The following PLXDC2 variants were observed in gnomAD, a reference collection of about 807,000 sequenced individuals.
The protein encoded by PLXDC2 is plexin domain-containing protein 2.
In PLXDC2, 40 loss-of-function variants were observed where a neutral mutation model predicts 68.9. The ratio of observed to expected loss-of-function variants is 0.58; its 90% CI spans 0.45 to 0.76. PLXDC2 has a LOEUF of 0.76. Among genes scored for constraint, PLXDC2 ranks in the 30% least tolerant of loss-of-function variants. The pLI, the probability that PLXDC2 is intolerant of heterozygous loss-of-function variation, is 0.00. For missense variants in PLXDC2, 644 were observed against 661.9 expected, an observed-to-expected ratio of 0.97 and a Z score of 0.30; for synonymous variants, 243 against 234.2, an observed-to-expected ratio of 1.04 and a Z score of -0.34.
At chr10:20,203,070 T>A (rs1834942093) in intron 9 of PLXDC2, among the ~76,000 whole-genome samples, 1 of 152,132 alleles carries the variant, frequency 6.6e-6, no homozygotes. Flanking sequence ...TATTGTAGCT[T>A]CACCCAGTGT....
At chr10:20,155,902 C>T (rs1834210374) in intron 6 of PLXDC2, among the ~76,000 whole-genome samples, 1 of 152,044 alleles carries the variant, frequency 6.6e-6, no homozygotes, top group Admixed American at 6.6e-5. Flanking sequence ...CTTTTTAAGA[C>T]AGAGTCTCAT....
At chr10:20,090,596 T>C (rs1224687082) in intron 4 of PLXDC2, among the ~76,000 whole-genome samples, 1 of 152,192 alleles carries the variant, frequency 6.6e-6, no homozygotes, top group African/African-American at 2.4e-5. Context: ...GTACATTTAA[T>C]GCCTCCAGTA....
chr10:19,928,423 A>T (rs907041304), intron 1 of PLXDC2, among the ~76,000 whole-genome samples: 58 of 152,358 alleles, frequency 3.8e-4, no homozygotes, highest in Admixed American at 7.8e-4. Flanking sequence ...ACTAGGGTAA[A>T]TTGAGTGCCT....
At chr10:19,964,826 G>A (rs1365892018) in intron 1 of PLXDC2, among the ~76,000 whole-genome samples, 2 of 151,784 alleles carry the variant, frequency 1.3e-5, no homozygotes. Flanking sequence ...GCCTCCATAG[G>A]GGGCAACTCT....
intron 6 of PLXDC2, among the ~76,000 whole-genome samples, chr10:20,153,395 T>C (rs916366092): frequency 6.6e-6 from 1 of 152,202 alleles, no homozygotes; most frequent in Non-Finnish European, 1.5e-5. Flanking sequence ...GGAAAAGTGT[T>C]GTTGGGTTTA....
At chr10:20,242,052 G>C (rs1048004807) in intron 12 of PLXDC2, among the ~76,000 whole-genome samples, 22 of 152,030 alleles carry the variant, frequency 1.4e-4, no homozygotes, top group African/African-American at 5.3e-4. Flanking sequence ...AGGATTTGAA[G>C]AAACAGTCAA....
chr10:19,837,090 C>A (rs996923634), intron 1 of PLXDC2, among the ~76,000 whole-genome samples: 1 of 150,654 alleles, frequency 6.6e-6, no homozygotes, highest in African/African-American at 2.4e-5. Context: ...GTATTGCTTG[C>A]GAGGTGAATT....
rs74507155 is a variant in PLXDC2 at position 19,899,137 on chromosome 10, C to T, written c.112+81946C>T. Among the ~76,000 whole-genome samples, 2,944 of 152,248 alleles carry T rather than the reference C, an allele frequency of 0.019. 211 individuals carry two copies. The East Asian group carries it at 0.28, about 14-fold the overall frequency. On this transcript the variant is annotated intron_variant, in intron 1 of 13. Transcript: ENST00000377252. Reference sequence around the variant, plus strand: ...CTGTCTCCTGCTCCTCCTCTTCCACCCTGGCTCATGTGGTTTTCGTTTTCA... The same window carrying T: ...CTGTCTCCTGCTCCTCCTCTTCCACTCTGGCTCATGTGGTTTTCGTTTTCA...
intron 6 of PLXDC2, among the ~76,000 whole-genome samples, chr10:20,164,028 A>C (rs902618140): frequency 1.3e-5 from 2 of 152,204 alleles, no homozygotes; most frequent in African/African-American, 4.8e-5. Flanking sequence ...TTATATCTAT[A>C]AGACTGCTTA....
At chr10:19,951,956 G>A (rs952690176) in intron 1 of PLXDC2, among the ~76,000 whole-genome samples, 1 of 151,990 alleles carries the variant, frequency 6.6e-6, no homozygotes, top group African/African-American at 2.4e-5. Context: ...GGGTACTCAC[G>A]GACATAAAGA....
At position 20,058,037 on chromosome 10, in the gene PLXDC2, G is replaced by T. The variant is rs192210578; in HGVS notation, c.472-10133G>T. On this transcript the variant is annotated intron_variant, in intron 3 of 13. Transcript: ENST00000377252. ...AGAGAAGTTAGCAAAGGAGGACGAA[G>T]AATTAAAATTGAACTTGGTCTAACT... 1.5e-3 allele frequency among the ~76,000 whole-genome samples: 227 copies of T among 152,094 alleles called. 1 individual carries two copies. The highest frequency in any genetic ancestry group is 5.1e-3 in the African/African-American group (210 of 41,484).
chr10:19,826,135 A>G (rs1389323933), intron 1 of PLXDC2, among the ~76,000 whole-genome samples: 1 of 152,344 alleles, frequency 6.6e-6, no homozygotes, highest in East Asian at 1.9e-4. Context: ...TGTGATTTCA[A>G]GGAATGCTGT....
chr10:20,170,791 G>T (rs1489076615), intron 7 of PLXDC2, among the ~76,000 whole-genome samples: 1 of 151,776 alleles, frequency 6.6e-6, no homozygotes, highest in East Asian at 1.9e-4. Flanking sequence ...TAAATAGCCA[G>T]ATGTGCCTAG....
At chr10:19,917,231 A>G (rs868824070) in intron 1 of PLXDC2, among the ~76,000 whole-genome samples, 2 of 152,066 alleles carry the variant, frequency 1.3e-5, no homozygotes, top group African/African-American at 4.8e-5. Context: ...TGACTTGAGC[A>G]TTGCTCCAAG....
chr10:20,202,970 G>A (rs1478940253), intron 9 of PLXDC2, among the ~76,000 whole-genome samples: 4 of 152,006 alleles, frequency 2.6e-5, no homozygotes, highest in African/African-American at 9.7e-5. Flanking sequence ...CCCTGAAAAT[G>A]CACAAATGAG....
chr10:19,822,830 T>C lies in PLXDC2; in HGVS notation c.112+5639T>C, dbSNP rs563040999. ...CTTTGCCTATTTTAATATCAGTTAT[T>C]TACATTAAGCCTTCTGTTGATAGAT... On this transcript the variant is annotated intron_variant, in intron 1 of 13. Transcript: ENST00000377252. Among the ~76,000 whole-genome samples the C allele has an allele frequency of 2.6e-5, 4 of 152,332 alleles. No homozygotes were observed. The South Asian group carries it at 8.3e-4, about 32-fold the overall frequency.
intron 2 of PLXDC2, among the ~76,000 whole-genome samples, chr10:20,041,640 A>G (rs1205620939): frequency 6.6e-6 from 1 of 152,016 alleles, no homozygotes; most frequent in African/African-American, 2.4e-5. Context: ...TTTCCCCTGC[A>G]ATTTATGTGA....
In PLXDC2 at chr10:20,208,574, A is replaced by C. The variant is rs12245248; in HGVS notation, c.1062-3095A>C. ...CATTCAGGGGCAATGTATATCTTTA[A>C]TTTCAATGGACTGGCAAAAGTAGTT... On this transcript the variant is annotated intron_variant, in intron 9 of 13. Coordinates refer to ENST00000377252, the MANE Select transcript of PLXDC2 (RefSeq NM_032812.9). Among the ~76,000 whole-genome samples the C allele has an allele frequency of 8.7e-3, 1,321 of 152,286 alleles. 21 individuals are homozygous for C. Among genetic ancestry groups the C allele is most frequent in the African/African-American group, 0.029 (1,221 of 41,570 alleles).
At chr10:19,987,311 C>T (rs1197573760) in intron 1 of PLXDC2, among the ~76,000 whole-genome samples, 1 of 152,254 alleles carries the variant, frequency 6.6e-6, no homozygotes, top group Non-Finnish European at 1.5e-5. Context: ...ATTCTAAATA[C>T]CTAAACAATG....
Sources: gnomAD v4.1 joint callset for allele counts (sites outside exome capture counted in the v4.1 genomes callset) on GRCh38, gnomAD v4.1.1 for gene constraint, MANE v1.5 for transcripts, NCBI Gene and HGNC (gene_info 2026-07-23, HGNC 2026-07-21) for gene names.